Variants in CACNA1D observed in about 807,000 individuals in gnomAD.
CACNA1D encodes voltage-dependent L-type calcium channel subunit alpha-1D.
A neutral mutation model predicts 257.1 loss-of-function variants in CACNA1D; 55 were observed. The observed-to-expected ratio is 0.21, with a 90% CI of 0.17 to 0.27. The LOEUF is 0.27. Ranked by LOEUF, CACNA1D falls within the 10% of genes least tolerant of loss-of-function variation. CACNA1D has a pLI of 1.00. For synonymous variants in CACNA1D, 980 were observed against 1,014.9 expected, an observed-to-expected ratio of 0.97 and a Z score of 0.65; for missense variants, 1,876 against 2,784.0, an observed-to-expected ratio of 0.67 and a Z score of 7.34.
chr3:53,696,156 T>G (rs1406079945), intron 8 of CACNA1D, among the ~76,000 whole-genome samples: 1 of 152,158 alleles, frequency 6.6e-6, no homozygotes, highest in African/African-American at 2.4e-5. Flanking sequence ...TTTGTAGAGA[T>G]GGGGTCTCAC....
chr3:53,590,523 T>C (rs17053233), intron 3 of CACNA1D, among the ~76,000 whole-genome samples: 10,444 of 152,286 alleles, frequency 0.069, 1,011 homozygotes, highest in African/African-American at 0.21. Flanking sequence ...CAAATGCCAT[T>C]GCCCAGACTG....
intron 3 of CACNA1D, among the ~76,000 whole-genome samples, chr3:53,624,398 T>C (rs1190488322): frequency 6.6e-6 from 1 of 152,262 alleles, no homozygotes; most frequent in Non-Finnish European, 1.5e-5. Context: ...TCTTGCGTGA[T>C]AACGAAGACA....
chr3:53,506,396 T>C (rs1353065178), intron 3 of CACNA1D, among the ~76,000 whole-genome samples: 1 of 152,178 alleles, frequency 6.6e-6, no homozygotes, highest in Non-Finnish European at 1.5e-5. Context: ...GGTCTGCTCA[T>C]GGGCTGTGGG....
intron 3 of CACNA1D, among the ~76,000 whole-genome samples, chr3:53,526,909 G>A (rs566047628): frequency 6.6e-6 from 1 of 152,318 alleles, no homozygotes; most frequent in East Asian, 1.9e-4. Flanking sequence ...TGCCAGATAA[G>A]CTCTTTAAAG....
chr3:53,754,983 T>C (rs888370990), intron 29 of CACNA1D, among the ~76,000 whole-genome samples: 4 of 152,362 alleles, frequency 2.6e-5, no homozygotes, highest in East Asian at 1.9e-4. Context: ...GGGGTCAAAT[T>C]TGGCACCTAA....
At chr3:53,770,210 G>A (rs1354023201) in intron 31 of CACNA1D, among the ~76,000 whole-genome samples, 193 bp downstream of exon 31, 7 of 152,194 alleles carry the variant, frequency 4.6e-5, no homozygotes, top group African/African-American at 1.7e-4. Flanking sequence ...AGTAGAATAC[G>A]TGGACATGCA....
chr3:53,639,473 G>A (rs1440544602), intron 3 of CACNA1D, among the ~76,000 whole-genome samples: 4 of 151,166 alleles, frequency 2.6e-5, no homozygotes, highest in East Asian at 1.9e-4. Flanking sequence ...TGCAACTTCC[G>A]CCTCCTGGGT....
At chr3:53,534,239 G>C (rs2092042949) in intron 3 of CACNA1D, among the ~76,000 whole-genome samples, 1 of 152,190 alleles carries the variant, frequency 6.6e-6, no homozygotes, top group African/African-American at 2.4e-5. Flanking sequence ...AGAGTGTGAG[G>C]GCAGGCCTCG....
At chr3:53,653,081 T>C (rs1227059116) in intron 4 of CACNA1D, among the ~76,000 whole-genome samples, 1 of 152,160 alleles carries the variant, frequency 6.6e-6, no homozygotes, top group African/African-American at 2.4e-5. Context: ...TGAAACCCCC[T>C]GTCTACTAAA....
intron 8 of CACNA1D, among the ~76,000 whole-genome samples, chr3:53,687,480 G>C (rs2094483223): frequency 6.6e-6 from 1 of 151,498 alleles, no homozygotes; most frequent in Non-Finnish European, 1.5e-5. Context: ...TGATAAAGGT[G>C]CTAGATAATT....
At position 53,745,722 on chromosome 3, in the gene CACNA1D, G is replaced by T; in HGVS notation, c.3105G>T (p.Gln1035His). The T allele has an allele frequency of 6.2e-7, 1 of 1,612,536 alleles. No individual in the cohort carries two copies. The highest frequency in any genetic ancestry group is 8.5e-7 in the Non-Finnish European group (1 of 1,178,498). Residue 1035 changes from glutamine to histidine, a missense_variant, in exon 24 of 48, where the codon CAG (glutamine) becomes CAT (histidine). Around this residue, in one of 10 missense-constraint regions of CACNA1D, gnomAD observed 271 missense variants for 425.5 expected, o/e 0.64. Transcript: ENST00000350061. ...LQFMFACIGV[Q>H]LFKGKFYRCT... is the part of the protein sequence containing the mutation. ...TCATGTTTGCCTGTATCGGGGTCCA[G>T]TTGTTCAAGGTAGAGGAACTGCCTC...
chr3:53,549,448 G>T (rs1362933710), intron 3 of CACNA1D, among the ~76,000 whole-genome samples: 135 of 152,238 alleles, frequency 8.9e-4, no homozygotes, highest in Non-Finnish European at 1.7e-3. Context: ...TTGTTGACTT[G>T]CTGAAGGGCC....
intron 3 of CACNA1D, among the ~76,000 whole-genome samples, chr3:53,619,407 A>C (rs1361038296): frequency 6.6e-6 from 1 of 152,252 alleles, no homozygotes; most frequent in Non-Finnish European, 1.5e-5. Context: ...AGCCTCAGTG[A>C]AACATGGGTA....
At chr3:53,798,266 G>C (rs908585261) in intron 40 of CACNA1D, among the ~76,000 whole-genome samples, 1 of 152,160 alleles carries the variant, frequency 6.6e-6, no homozygotes, top group Non-Finnish European at 1.5e-5. Context: ...CAGATGTGCT[G>C]AACTCGTGGA....
chr3:53,787,930 C>T (rs543292957), intron 40 of CACNA1D, among the ~76,000 whole-genome samples: 1 of 152,226 alleles, frequency 6.6e-6, no homozygotes, highest in African/African-American at 2.4e-5. Context: ...AATCTATTTA[C>T]GCCACAATTT....
At chr3:53,694,361 C>G (rs1162849481) in intron 8 of CACNA1D, among the ~76,000 whole-genome samples, 5 of 152,180 alleles carry the variant, frequency 3.3e-5, no homozygotes, top group Non-Finnish European at 5.9e-5. Context: ...TCACCTTTCT[C>G]TGTCCTGAGT....
chr3:53,499,403 G>A (rs1468820503), intron 2 of CACNA1D, among the ~76,000 whole-genome samples: 1 of 152,008 alleles, frequency 6.6e-6, no homozygotes, highest in African/African-American at 2.4e-5. Flanking sequence ...CTCTGTCAAG[G>A]CCCCATCCGC....
intron 3 of CACNA1D, among the ~76,000 whole-genome samples, chr3:53,536,882 G>A (rs1175472025): frequency 6.6e-6 from 1 of 152,132 alleles, no homozygotes; most frequent in East Asian, 1.9e-4. Flanking sequence ...TGGTCTAGAT[G>A]GTGAGGAATT....
intron 3 of CACNA1D, among the ~76,000 whole-genome samples, chr3:53,648,717 G>T (rs918594714): frequency 6.6e-6 from 1 of 152,018 alleles, no homozygotes; most frequent in African/African-American, 2.4e-5. Context: ...GGATGAGCCT[G>T]GCTAAGAACA....
Sources: gnomAD v4.1 joint callset for allele counts (sites outside exome capture counted in the v4.1 genomes callset) on GRCh38, gnomAD v4.1.1 for gene constraint, gnomAD v4.1.1 regional missense constraint, MANE v1.5 for transcripts, NCBI Gene and HGNC (gene_info 2026-07-23, HGNC 2026-07-21) for gene names.